The following SRSF11 variants were observed in gnomAD, a reference collection of about 807,000 sequenced individuals.
SRSF11 encodes the protein serine and arginine rich splicing factor 11.
SRSF11 carries 9 observed loss-of-function variants against 56.0 expected under a neutral mutation model. The observed-to-expected ratio is 0.16, with a 90% confidence interval of 0.10 to 0.28. The LOEUF (loss-of-function observed/expected upper bound fraction) is 0.28, where lower values mean the gene tolerates loss of function less well. SRSF11 is among the 10% of genes least tolerant of loss of function. SRSF11 has a pLI of 1.00. For synonymous variants in SRSF11, 222 were observed against 215.3 expected (o/e 1.03, Z -0.27); for missense variants, 421 against 600.7 (o/e 0.70, Z 3.13).
At chr1:70,227,124 T>G (rs1206626718) in intron 1 of SRSF11, among the ~76,000 whole-genome samples, 1 of 152,164 alleles carries the variant, frequency 6.6e-6, no homozygotes, top group Non-Finnish European at 1.5e-5. Context: ...ATGTTAGTGT[T>G]TGAGTTGTGA....
upstream of SRSF11, among the ~76,000 whole-genome samples, chr1:70,219,930 G>A (rs1670364609): frequency 6.6e-6 from 1 of 152,168 alleles, no homozygotes; most frequent in Non-Finnish European, 1.5e-5. Flanking sequence ...TACTCTGTAA[G>A]GCTTCAAGTT....
chr1:70,242,029 T>C (rs1174087656), intron 7 of SRSF11, among the ~76,000 whole-genome samples: 1 of 151,996 alleles, frequency 6.6e-6, no homozygotes, highest in Non-Finnish European at 1.5e-5. Flanking sequence ...CAGCTGGGTG[T>C]GGTGGCGCGC....
At chr1:70,206,099 G>A (rs1159837472) in intron 1 of SRSF11, among the ~76,000 whole-genome samples, 1 of 152,140 alleles carries the variant, frequency 6.6e-6, no homozygotes, top group Non-Finnish European at 1.5e-5. Flanking sequence ...AGGGTATATA[G>A]CTTACCCAGC....
chr1:70,247,312 G>A (rs1173047182), intron 9 of SRSF11, among the ~76,000 whole-genome samples: 2 of 152,074 alleles, frequency 1.3e-5, no homozygotes, highest in African/African-American at 2.4e-5. Flanking sequence ...AAGCAATGCA[G>A]GTTCTGGTTT....
upstream of SRSF11, chr1:70,220,882 A>C (rs1408840313): frequency 2.6e-5 from 4 of 152,340 alleles, no homozygotes; most frequent in African/African-American, 9.6e-5. Context: ...ATGAATGTAC[A>C]AAACGCTTAT....
intron 6 of SRSF11, 75 bp from the exon 7 acceptor site, chr1:70,239,364 T>G: frequency 9.9e-7 from 1 of 1,013,318 alleles, no homozygotes; most frequent in Non-Finnish European, 1.5e-6. Flanking sequence ...AGTGCTGTGA[T>G]TACAGGCATG....
chr1:70,224,737 A>G (rs760319400), intron 1 of SRSF11, among the ~76,000 whole-genome samples: 1 of 152,210 alleles, frequency 6.6e-6, no homozygotes, highest in Non-Finnish European at 1.5e-5. Context: ...CTATCTTTAC[A>G]ATAGGTGATA....
chr1:70,247,029 A>G (rs1571938321), intron 9 of SRSF11, 122 bp downstream of exon 9: 1 of 1,120,140 alleles, frequency 8.9e-7, no homozygotes, highest in East Asian at 2.8e-5. Flanking sequence ...AAAAAGTTAC[A>G]TTTTGCTGTT....
intron 1 of SRSF11, among the ~76,000 whole-genome samples, chr1:70,226,011 T>G (rs1571696031): frequency 6.6e-6 from 1 of 151,968 alleles, no homozygotes; most frequent in East Asian, 1.9e-4. Flanking sequence ...ACTAACATGG[T>G]GAAACCCCAT....
At chr1:70,226,442 C>G (rs756649949) in intron 1 of SRSF11, among the ~76,000 whole-genome samples, 1 of 152,072 alleles carries the variant, frequency 6.6e-6, no homozygotes, top group Non-Finnish European at 1.5e-5. Flanking sequence ...ATATGAGTCA[C>G]TTTAAGGTTG....
intron 4 of SRSF11, 41 bp from the exon 5 acceptor site, chr1:70,235,460 G>C: frequency 6.6e-7 from 1 of 1,516,158 alleles, no homozygotes; most frequent in South Asian, 1.2e-5. Flanking sequence ...GTCATTTATT[G>C]TTTTATGTAT....
At chr1:70,217,216 T>C (rs1670090480), upstream of SRSF11, among the ~76,000 whole-genome samples, 1 of 152,058 alleles carries the variant, frequency 6.6e-6, no homozygotes, top group Non-Finnish European at 1.5e-5. Flanking sequence ...TGGAGTGCAG[T>C]GGTGCAATCT....
At chr1:70,233,689 A>G (rs1673330653) in intron 3 of SRSF11, among the ~76,000 whole-genome samples, 1 of 152,236 alleles carries the variant, frequency 6.6e-6, no homozygotes, top group Non-Finnish European at 1.5e-5. Context: ...GTGTTTACTA[A>G]ATAAATTGAA....
At chr1:70,237,239 A>G (rs1444996611) in intron 5 of SRSF11, among the ~76,000 whole-genome samples, 186 bp from the exon 6 acceptor site, 1 of 152,248 alleles carries the variant, frequency 6.6e-6, no homozygotes, top group Non-Finnish European at 1.5e-5. Flanking sequence ...TCATTAAAAC[A>G]AATACTTGTA....
chr1:70,232,264 G>T lies in SRSF11; in HGVS notation c.338-4G>T. The T allele has an allele frequency of 6.2e-7, 1 of 1,614,206 alleles. No homozygotes were observed. Among genetic ancestry groups the T allele is most frequent in the Non-Finnish European group, 8.5e-7 (1 of 1,180,024 alleles). On this transcript the variant is annotated splice_region_variant and splice_polypyrimidine_tract_variant and intron_variant, in intron 2 of 11. Transcript: ENST00000370949. The stretch of plus-strand genomic sequence containing the variant: ...TGTTCTAATGCAAGGATGTTTCTCT[G>T]CAGGAGTTATTCCTGATGAAGCTAA...
At chr1:70,232,667 C>T (rs1303410233) in intron 3 of SRSF11, among the ~76,000 whole-genome samples, 1 of 152,180 alleles carries the variant, frequency 6.6e-6, no homozygotes, top group Non-Finnish European at 1.5e-5. Context: ...TCTGAACACA[C>T]TGTTAAAAAT....
chr1:70,239,549 T>G (rs1558205578), intron 7 of SRSF11, 29 bp downstream of exon 7: 3 of 1,466,482 alleles, frequency 2.0e-6, no homozygotes, highest in South Asian at 1.2e-5. Context: ...CAATTATACC[T>G]TAGACAAAGA....
intron 7 of SRSF11, among the ~76,000 whole-genome samples, chr1:70,241,355 T>C (rs1381385985): frequency 6.6e-6 from 1 of 152,198 alleles, no homozygotes; most frequent in African/African-American, 2.4e-5. Flanking sequence ...TCTTTTAATA[T>C]CATTTTCTTA....
intron 7 of SRSF11, among the ~76,000 whole-genome samples, chr1:70,242,125 C>T (rs1202327512): frequency 1.4e-5 from 2 of 147,294 alleles, no homozygotes; most frequent in African/African-American, 5.1e-5. Flanking sequence ...GCCAGGATGG[C>T]GCCACTGCAC....
Sources: gnomAD v4.1 joint callset for allele counts (sites outside exome capture counted in the v4.1 genomes callset) on GRCh38, gnomAD v4.1.1 for gene constraint, MANE v1.5 for transcripts, NCBI Gene and HGNC (gene_info 2026-07-23, HGNC 2026-07-21) for gene names.